The following CNTN3 variants were observed in gnomAD, a reference collection of about 807,000 sequenced individuals.
The protein encoded by CNTN3 is contactin-3.
Under a neutral mutation model 119.1 loss-of-function variants are expected in CNTN3, and 60 were observed. That is an observed-to-expected ratio of 0.50 (90% confidence interval 0.41 to 0.62). The LOEUF is 0.62. Ranked by LOEUF, CNTN3 falls within the 20% of genes least tolerant of loss-of-function variation. CNTN3 has a pLI of 0.00. For missense variants in CNTN3, 1,101 were observed against 1,242.4 expected (o/e 0.89, Z 1.71); for synonymous variants, 450 against 438.7 (o/e 1.03, Z -0.32).
intron 1 of CNTN3, among the ~76,000 whole-genome samples, chr3:74,554,875 T>C (rs1704045901): frequency 6.6e-6 from 1 of 152,188 alleles, no homozygotes; most frequent in South Asian, 2.1e-4. Flanking sequence ...CAATTTGACT[T>C]CTTCTCTTCC....
At chr3:74,285,067 C>T (rs1436393130) in intron 20 of CNTN3, among the ~76,000 whole-genome samples, 1 of 152,124 alleles carries the variant, frequency 6.6e-6, no homozygotes, top group African/African-American at 2.4e-5. Context: ...TAACCTAACA[C>T]CCCACACTAA....
At chr3:74,511,616 C>A (rs1341228842) in intron 2 of CNTN3, among the ~76,000 whole-genome samples, 3 of 152,040 alleles carry the variant, frequency 2.0e-5, no homozygotes, top group Non-Finnish European at 4.4e-5. Context: ...TTATAGTGAA[C>A]TATGATCTTA....
intron 20 of CNTN3, among the ~76,000 whole-genome samples, chr3:74,272,465 A>G (rs1701796543): frequency 6.6e-6 from 1 of 152,190 alleles, no homozygotes; most frequent in African/African-American, 2.4e-5. Context: ...TTATATTGTT[A>G]TGTTTCTTCA....
At chr3:74,551,296 GT>G (rs1489054028) in intron 1 of CNTN3, among the ~76,000 whole-genome samples, 1 of 152,156 alleles carries the variant, frequency 6.6e-6, no homozygotes, top group East Asian at 1.9e-4. Context: ...TGATAAAGAG[GT>G]ATAGGGTCAC....
chr3:74,472,321 A>C (rs1163806761), intron 4 of CNTN3, among the ~76,000 whole-genome samples: 1 of 152,178 alleles, frequency 6.6e-6, no homozygotes, highest in Non-Finnish European at 1.5e-5. Context: ...CTCTGTACCA[A>C]TCATTCACAT....
rs1705136985 is a variant in CNTN3, at chr3:74,614,441, G to GCCGCCGCCGCCGCCGCCGCCGCCGCCA, written c.-132_-131insTGGCGGCGGCGGCGGCGGCGGCGGCGG. 1.5e-5 allele frequency among the ~76,000 whole-genome samples: 2 copies of GCCGCCGCCGCCGCCGCCGCCGCCGCCA among 136,782 alleles called. No individual in the cohort carries two copies. 89.7% of individuals were successfully genotyped at this position (136,782 alleles called of 152,430 possible). On this transcript the variant is annotated 5_prime_UTR_variant, in exon 1 of 23. Transcript: ENST00000263665. Reference sequence around the variant, plus strand: ...CCGCCCCGACGGCCCACTCGCCGCCGCCGCCGCCGCCGCCGCCGCCGCCAC... The same window carrying GCCGCCGCCGCCGCCGCCGCCGCCGCCA: ...CCGCCCCGACGGCCCACTCGCCGCCGCCGCCGCCGCCGCCGCCGCCGCCGCCACCGCCGCCGCCGCCGCCGCCGCCAC...
intron 11 of CNTN3, among the ~76,000 whole-genome samples, chr3:74,349,199 G>A (rs1452166733): frequency 1.3e-5 from 2 of 152,112 alleles, no homozygotes; most frequent in Non-Finnish European, 2.9e-5. Context: ...GAACAAACAT[G>A]TACAGAGCAG....
rs1298815105 is a variant in CNTN3, at chr3:74,499,799, A to G, written c.56-14T>C. The G allele has an allele frequency of 2.5e-6, 4 of 1,578,230 alleles. No homozygotes were observed. The Admixed American group carries it at 8.1e-5, about 32-fold the overall frequency. ...AGAGAAGCTCACCTATATGGGTGGG[A>G]GACATCCAAAAAATAATAATCAGTA... On this transcript the variant is annotated splice_polypyrimidine_tract_variant and intron_variant, in intron 2 of 22. Coordinates refer to ENST00000263665, the MANE Select transcript of CNTN3 (RefSeq NM_020872.3).
At chr3:74,586,807 C>G (rs1187063500) in intron 1 of CNTN3, among the ~76,000 whole-genome samples, 1 of 151,824 alleles carries the variant, frequency 6.6e-6, no homozygotes, top group Non-Finnish European at 1.5e-5. Context: ...CAAGCAGGAC[C>G]CTATCTTGAA....
chr3:74,476,855 G>T (rs1311097751), intron 4 of CNTN3, among the ~76,000 whole-genome samples: 3 of 152,030 alleles, frequency 2.0e-5, no homozygotes, highest in Non-Finnish European at 4.4e-5. Context: ...ATATAGTATA[G>T]GCTAGAGCTA....
chr3:74,430,140 G>T (rs1701759267), intron 4 of CNTN3, among the ~76,000 whole-genome samples: 1 of 152,098 alleles, frequency 6.6e-6, no homozygotes, highest in Non-Finnish European at 1.5e-5. Flanking sequence ...GCACTTTTGG[G>T]CATTTATCCT....
chr3:74,427,907 G>A (rs1701721849), intron 4 of CNTN3, among the ~76,000 whole-genome samples: 1 of 152,084 alleles, frequency 6.6e-6, no homozygotes, highest in African/African-American at 2.4e-5. Flanking sequence ...ATAAATAAAT[G>A]GAGACACATA....
intron 10 of CNTN3, among the ~76,000 whole-genome samples, chr3:74,363,348 T>A (rs1704118187): frequency 6.6e-6 from 1 of 152,102 alleles, no homozygotes; most frequent in Non-Finnish European, 1.5e-5. Context: ...GGGTGGATAA[T>A]TATCTTTTGT....
intron 5 of CNTN3, 56 bp from the exon 6 acceptor site, chr3:74,371,455 T>G (rs1004054148): frequency 7.6e-7 from 1 of 1,310,346 alleles, no homozygotes; most frequent in African/African-American, 1.5e-5. Flanking sequence ...AGTTTTCCAT[T>G]GTGTCCTTAA....
intron 4 of CNTN3, among the ~76,000 whole-genome samples, chr3:74,430,495 C>T (rs1157309179): frequency 1.3e-5 from 2 of 152,148 alleles, no homozygotes; most frequent in Non-Finnish European, 1.5e-5. Context: ...GTAATCCCAG[C>T]AACTCCAGAG....
At chr3:74,514,933 A>C (rs1005532968) in intron 2 of CNTN3, among the ~76,000 whole-genome samples, 2 of 152,126 alleles carry the variant, frequency 1.3e-5, no homozygotes, top group African/African-American at 4.8e-5. Context: ...CTCAAATTAA[A>C]ATATGCAACC....
chr3:74,542,383 A>C (rs1703854985), intron 1 of CNTN3, among the ~76,000 whole-genome samples: 1 of 152,206 alleles, frequency 6.6e-6, no homozygotes. Context: ...TGAACCTAGA[A>C]GCAACCTGCA....
At chr3:74,606,253 CTT>C (rs1704991190) in intron 1 of CNTN3, among the ~76,000 whole-genome samples, 1 of 152,086 alleles carries the variant, frequency 6.6e-6, no homozygotes, top group African/African-American at 2.4e-5. Flanking sequence ...GATTGAGTAA[CTT>C]TAAAAACAGG....
chr3:74,389,628 G>A (rs1294760006), intron 5 of CNTN3, among the ~76,000 whole-genome samples: 1 of 152,056 alleles, frequency 6.6e-6, no homozygotes, highest in African/African-American at 2.4e-5. Context: ...CATCCCATCA[G>A]GTAGTAGGTA....
Sources: allele counts gnomAD v4.1 joint callset (sites outside exome capture counted in the v4.1 genomes callset), GRCh38; gene constraint gnomAD v4.1.1; transcripts MANE v1.5; gene names NCBI Gene and HGNC (gene_info 2026-07-23, HGNC 2026-07-21).